DLGAP2: variants seen among roughly 807,000 people sequenced by gnomAD.
DLGAP2 encodes the protein disks large-associated protein 2.
A neutral mutation model predicts 100.3 loss-of-function variants in DLGAP2; 26 were observed. The observed-to-expected ratio is 0.26, with a 90% CI of 0.19 to 0.36. The LOEUF (loss-of-function observed/expected upper bound fraction) is 0.36, where lower values mean the gene tolerates loss of function less well. DLGAP2 is among the 10% of genes least tolerant of loss of function. The pLI is 1.00. For synonymous variants in DLGAP2, 886 were observed against 630.1 expected (o/e 1.41, Z -6.08); for missense variants, 1,858 against 1,453.2 (o/e 1.28, Z -4.53).
At chr8:1,505,618 G>A (rs1435977315) in intron 4 of DLGAP2, among the ~76,000 whole-genome samples, 1 of 152,174 alleles carries the variant, frequency 6.6e-6, no homozygotes, top group Admixed American at 6.5e-5. Context: ...GGATAAGGAA[G>A]TTTTCCATAA....
At chr8:1,001,003 A>G (rs1800939862) in intron 2 of DLGAP2, among the ~76,000 whole-genome samples, 1 of 152,188 alleles carries the variant, frequency 6.6e-6, no homozygotes, top group African/African-American at 2.4e-5. Flanking sequence ...TCGCTGTGCC[A>G]TTTAAAATCA....
rs117061737 is a variant in DLGAP2 at position 1,176,812 on chromosome 8, C to G, written c.74-82039C>G. On this transcript the variant is annotated intron_variant, in intron 2 of 14. Transcript: ENST00000637795. The stretch of plus-strand genomic sequence containing the variant: ...CTCGGTTGGAGGCAGGCCTGGTGGT[C>G]ACATTCTCTCAACACACCCTCTGGC... 9.9e-5 allele frequency among the ~76,000 whole-genome samples: 15 copies of G among 152,268 alleles called. No homozygotes were observed. In the East Asian group the frequency reaches 2.7e-3, roughly 27 times the overall value.
chr8:1,431,534 T>C (rs1797438745), intron 3 of DLGAP2, among the ~76,000 whole-genome samples: 1 of 152,216 alleles, frequency 6.6e-6, no homozygotes, highest in African/African-American at 2.4e-5. Flanking sequence ...GCCAGCTGCC[T>C]GGCGCTCAGC....
chr8:1,197,043 T>C (rs1484498657), intron 2 of DLGAP2, among the ~76,000 whole-genome samples: 2 of 152,156 alleles, frequency 1.3e-5, no homozygotes, highest in South Asian at 2.1e-4. Context: ...CAGGAGGAGA[T>C]GGAGGCCTCG....
intron 2 of DLGAP2, among the ~76,000 whole-genome samples, chr8:1,140,221 C>T (rs187693003): frequency 9.9e-4 from 150 of 152,232 alleles, no homozygotes; most frequent in African/African-American, 3.4e-3. Context: ...CCTCAGCGCT[C>T]GTCCCGCTCT....
chr8:829,711 T>C (rs1450400580), intron 1 of DLGAP2, among the ~76,000 whole-genome samples: 1 of 152,246 alleles, frequency 6.6e-6, no homozygotes, highest in East Asian at 1.9e-4. Context: ...AGATGGTTGT[T>C]ATTGACATTT....
At chr8:894,875 T>G (rs1429272243) in intron 1 of DLGAP2, among the ~76,000 whole-genome samples, 7 of 107,490 alleles carry the variant, frequency 6.5e-5, no homozygotes, top group Non-Finnish European at 9.3e-5. Context: ...GAGAGCGGAG[T>G]GGTGACTGGC....
chr8:1,377,546 A>T (rs979129695), intron 3 of DLGAP2, among the ~76,000 whole-genome samples: 2 of 152,186 alleles, frequency 1.3e-5, no homozygotes, highest in African/African-American at 4.8e-5. Context: ...TCCGACTCAA[A>T]AAAATAAATA....
At chr8:1,211,636 G>C (rs546720896) in intron 2 of DLGAP2, among the ~76,000 whole-genome samples, 2 of 152,268 alleles carry the variant, frequency 1.3e-5, no homozygotes, top group East Asian at 3.9e-4. Flanking sequence ...AGCACTTTGG[G>C]AGGCCAAGGT....
At chr8:1,202,581 T>C (rs1425899308) in intron 2 of DLGAP2, among the ~76,000 whole-genome samples, 1 of 151,960 alleles carries the variant, frequency 6.6e-6, no homozygotes, top group East Asian at 1.9e-4. Flanking sequence ...AGATGGGAGG[T>C]GTGGAGACAC....
At chr8:888,833 C>G (rs974920892) in intron 1 of DLGAP2, among the ~76,000 whole-genome samples, 8 of 152,064 alleles carry the variant, frequency 5.3e-5, no homozygotes, top group Non-Finnish European at 1.2e-4. Context: ...GTGACAACCC[C>G]TGTTGGAGGG....
chr8:1,572,321 G>C (rs1802751407), intron 6 of DLGAP2, among the ~76,000 whole-genome samples: 1 of 127,138 alleles, frequency 7.9e-6, no homozygotes, highest in Non-Finnish European at 1.6e-5. Flanking sequence ...AGAGGAGAAA[G>C]GAGTGAACTG....
chr8:1,532,755 T>C (rs1371896173), intron 4 of DLGAP2, among the ~76,000 whole-genome samples: 2 of 152,234 alleles, frequency 1.3e-5, no homozygotes, highest in African/African-American at 2.4e-5. Flanking sequence ...GTGAAAATAC[T>C]CTTTCTCTGC....
At chr8:1,013,708 A>G (rs533527576) in intron 2 of DLGAP2, among the ~76,000 whole-genome samples, 663 of 45,542 alleles carry the variant, frequency 0.015, 33 homozygotes, top group African/African-American at 0.095. Flanking sequence ...CATTGTGTGT[A>G]TGACCAGGAC....
At chr8:1,338,844 C>A (rs11989085) in intron 3 of DLGAP2, among the ~76,000 whole-genome samples, 1,102 of 45,360 alleles carry the variant, frequency 0.024, 281 homozygotes, top group African/African-American at 0.21. Context: ...CAGGACCTGG[C>A]AGGGAATGCA....
chr8:1,160,796 G>C (rs1217571651), intron 2 of DLGAP2, among the ~76,000 whole-genome samples: 1 of 152,134 alleles, frequency 6.6e-6, no homozygotes, highest in African/African-American at 2.4e-5. Context: ...AAGCCTGGCA[G>C]GGATGGTTTT....
At chr8:863,583 T>C (rs1797433794) in intron 1 of DLGAP2, among the ~76,000 whole-genome samples, 1 of 152,234 alleles carries the variant, frequency 6.6e-6, no homozygotes, top group Admixed American at 6.5e-5. Context: ...TTCACTCTGT[T>C]GATTGTTTCC....
In DLGAP2 at chr8:1,549,354, G is replaced by C. The variant is rs199838357; in HGVS notation, c.901G>C (p.Asp301His). Residue 301 changes from aspartate to histidine, a missense_variant, in exon 5 of 15, where the codon GAC (aspartate) becomes CAC (histidine). Physicochemically the swap from Asp to His is moderately conservative, Grantham distance 81. Transcript: ENST00000637795. ...PGMSSWWSSD[D>H]NLDSDSTYRT... ...CATGAGCAGCTGGTGGAGCTCGGAC[G>C]ACAACCTGGACAGCGACAGCACCTA... 2 of 1,613,352 alleles carry C rather than the reference G, an allele frequency of 1.2e-6. No individual in the cohort carries two copies. The highest frequency in any genetic ancestry group is 1.7e-6 in the Non-Finnish European group (2 of 1,179,778).
chr8:1,036,608 GA>G (rs1376569492), intron 2 of DLGAP2, among the ~76,000 whole-genome samples: 1 of 152,118 alleles, frequency 6.6e-6, no homozygotes, highest in Non-Finnish European at 1.5e-5. Flanking sequence ...GTTATAAGGG[GA>G]GGCCTGGCAG....
Sources: gnomAD v4.1 joint callset for allele counts (sites outside exome capture counted in the v4.1 genomes callset) on GRCh38, gnomAD v4.1.1 for gene constraint, MANE v1.5 for transcripts, NCBI Gene and HGNC (gene_info 2026-07-23, HGNC 2026-07-21) for gene names.